The following CENPT variants were observed in gnomAD, a reference collection of about 807,000 sequenced individuals.
The protein encoded by CENPT is centromere protein T.
A neutral mutation model predicts 59.7 loss-of-function variants in CENPT; 42 were observed. The ratio of observed to expected loss-of-function variants is 0.70; its 90% CI spans 0.55 to 0.91. The LOEUF is 0.91. Among genes scored for constraint, CENPT ranks in the 40% least tolerant of loss-of-function variants. The pLI is 0.00. For synonymous variants in CENPT, 295 were observed against 289.6 expected (o/e 1.02, Z -0.19); for missense variants, 716 against 713.4 (o/e 1.00, Z -0.04).
chr16:67,842,977 G>A lies in CENPT; in HGVS notation c.-492+4424C>T. The stretch of plus-strand genomic sequence containing the variant: ...CCTCACCCTCTGCCTCCACTGCCCA[G>A]ACTGCCCAGCTGCAGCCGAACCTGG... On this transcript the variant is annotated intron_variant, in intron 1 of 15. Coordinates refer to ENST00000562787, the MANE Select transcript of CENPT (RefSeq NM_025082.4). The surrounding 1 kb of genome is among the most constrained non-coding windows in gnomAD (Gnocchi z 4.9). The A allele has an allele frequency of 6.2e-7, 1 of 1,611,516 alleles. No homozygotes were observed. Among genetic ancestry groups the A allele is most frequent in the Non-Finnish European group, 8.5e-7 (1 of 1,179,574 alleles).
chr16:67,839,493 G>C (rs1227770314), intron 1 of CENPT, among the ~76,000 whole-genome samples: 2 of 152,100 alleles, frequency 1.3e-5, no homozygotes, highest in East Asian at 3.8e-4. Context: ...CCAAGAGGCG[G>C]ATGTTGCAGT....
chr16:67,845,764 T>C (rs2057793712), intron 1 of CENPT, among the ~76,000 whole-genome samples: 1 of 152,250 alleles, frequency 6.6e-6, no homozygotes, highest in Admixed American at 6.5e-5. Flanking sequence ...TGCAGATGTA[T>C]AAGCGGGGCA....
Position 67,843,576 on chromosome 16 carries a change from A to G in CENPT, c.-492+3825T>C, listed in dbSNP as rs1039561125. The G allele has an allele frequency of 6.9e-7, 1 of 1,441,458 alleles. No homozygotes were observed. The highest frequency in any genetic ancestry group is 1.4e-5 in the African/African-American group (1 of 71,122). The allele number at this position is 1,441,458 out of a possible 1,614,324, so 89.3% of individuals were successfully genotyped here. A position where few individuals can be genotyped will look rare whatever the true frequency, so the allele number is the denominator to read the frequency against. ...CCGCAGGCCATTGTTGAACTCCTCT[A>G]TACTCCTGGGCACTGGTTGACAGTA... On this transcript the variant is annotated intron_variant, in intron 1 of 15. Transcript: ENST00000562787. This position sits in a 1 kb window ranked among gnomAD's most constrained non-coding sequence, Gnocchi z 5.7.
chr16:67,836,917 AT>A (rs1277626789), intron 1 of CENPT, among the ~76,000 whole-genome samples: 2 of 151,770 alleles, frequency 1.3e-5, no homozygotes, highest in African/African-American at 2.4e-5. Context: ...AATTTTTTGT[AT>A]TTTTAGTAGA....
At chr16:67,839,513 T>C (rs2057749932) in intron 1 of CENPT, among the ~76,000 whole-genome samples, 1 of 151,788 alleles carries the variant, frequency 6.6e-6, no homozygotes, top group African/African-American at 2.4e-5. Flanking sequence ...TGAGCCAAGA[T>C]TGCACCACTA....
At chr16:67,833,396 G>A (rs1355920137) in intron 4 of CENPT, among the ~76,000 whole-genome samples, 2 of 152,230 alleles carry the variant, frequency 1.3e-5, no homozygotes, top group Admixed American at 6.5e-5. Flanking sequence ...AGAGCAGAAG[G>A]TGAGATTCTG....
Position 67,829,942 on chromosome 16 carries a change from T to C in CENPT, c.1009A>G (p.Met337Val), listed in dbSNP as rs779988509. Residue 337 changes from methionine (M) to valine (V), a missense_variant, in exon 12 of 16, where the codon ATG becomes GTG. Physicochemically the swap from Met to Val is conservative, Grantham distance 21 (BLOSUM62 1). Transcript: ENST00000562787. ...HDGVEEAEKK[M>V]EEEGVSVSEM... Reference sequence around the variant, plus strand: ...CTCACACTCACACCTTCTTCTTCCATCTTTTTCTCTGCCTCTTCAACTCCA... The same window carrying C: ...CTCACACTCACACCTTCTTCTTCCACCTTTTTCTCTGCCTCTTCAACTCCA... 7 of 1,614,240 alleles carry C rather than the reference T, an allele frequency of 4.3e-6. 1 individual carries two copies. The South Asian group carries it at 7.7e-5, about 18-fold the overall frequency.
Position 67,843,297 on chromosome 16 carries a change from TGTC to T in CENPT, c.-492+4101_-492+4103del. ...ACTGGCTCCGACCATTCGTACTCCT[TGTC>T]GTCAGGCACCACGGAGGAGGAGCTC... is the stretch of plus-strand genomic sequence containing the variant. On this transcript the variant is annotated intron_variant, in intron 1 of 15. Transcript: ENST00000562787. This position sits in a 1 kb window ranked among gnomAD's most constrained non-coding sequence, Gnocchi z 5.7. 2 of 1,613,894 alleles carry T rather than the reference TGTC, an allele frequency of 1.2e-6. No homozygotes were observed. The highest frequency in any genetic ancestry group is 1.7e-6 in the Non-Finnish European group (2 of 1,180,016).
At chr16:67,838,926 CTGTCTCAAAA>C (rs1415457944) in intron 1 of CENPT, among the ~76,000 whole-genome samples, 23 of 144,088 alleles carry the variant, frequency 1.6e-4, no homozygotes, top group Middle Eastern at 7.6e-3. Context: ...GTGCAAGACT[CTGTCTCAAAA>C]AAAAAAAAAA....
intron 1 of CENPT, chr16:67,846,683 G>A (rs1253738475): frequency 6.6e-6 from 1 of 152,438 alleles, no homozygotes; most frequent in African/African-American, 2.4e-5. Context: ...CCCTAGCCTG[G>A]CGCCAACCTC....
intron 5 of CENPT, 43 bp downstream of exon 5, chr16:67,832,412 G>A (rs369688089): frequency 2.0e-5 from 32 of 1,609,608 alleles, no homozygotes; most frequent in Admixed American, 5.0e-5. Flanking sequence ...CCCCCTCCCC[G>A]AGGCAGCCAG....
At position 67,831,485 on chromosome 16, in the gene CENPT, G is replaced by A. The variant is rs1438804720; in HGVS notation, c.560+91C>T. 10 of 1,573,912 alleles carry A rather than the reference G, an allele frequency of 6.4e-6. 1 individual carries two copies. The East Asian group carries it at 9.0e-5, about 14-fold the overall frequency. On this transcript the variant is annotated intron_variant, in intron 9 of 15. Coordinates refer to ENST00000562787, the MANE Select transcript of CENPT (RefSeq NM_025082.4). The stretch of plus-strand genomic sequence containing the variant: ...GCTGTGAGGCTAAAACTGGTAGGAA[G>A]TAGTATGGGCAGATTCCATCCCAGG...
intron 1 of CENPT, among the ~76,000 whole-genome samples, chr16:67,846,370 C>T (rs1316510750): frequency 6.6e-6 from 1 of 152,290 alleles, no homozygotes; most frequent in East Asian, 1.9e-4. Context: ...AATAGCCTAG[C>T]CTGCTCGAAA....
rs2057779468 is a variant in CENPT at position 67,843,588 on chromosome 16, A to T, written c.-492+3813T>A. The T allele has an allele frequency of 7.4e-7, 1 of 1,345,322 alleles. No individual in the cohort carries two copies. Among genetic ancestry groups the T allele is most frequent in the Non-Finnish European group, 1.0e-6 (1 of 986,766 alleles). The allele number at this position is 1,345,322 out of a possible 1,614,324, so 83.3% of individuals were successfully genotyped here. A position where few individuals can be genotyped will look rare whatever the true frequency, so the allele number is the denominator to read the frequency against. On this transcript the variant is annotated intron_variant, in intron 1 of 15. Transcript: ENST00000562787. The surrounding 1 kb of genome is among the most constrained non-coding windows in gnomAD (Gnocchi z 5.7). ...GTTGAACTCCTCTATACTCCTGGGC[A>T]CTGGTTGACAGTACTGAGGCTTAAG...
At position 67,843,668 on chromosome 16, in the gene CENPT, T is replaced by A; in HGVS notation, c.-492+3733A>T. On this transcript the variant is annotated intron_variant, in intron 1 of 15. Transcript: ENST00000562787. The surrounding 1 kb of genome is among the most constrained non-coding windows in gnomAD (Gnocchi z 5.7). ...CATCCTCAATTGTTTCCTCCTGAAG[T>A]GGAAGCTGGGGCCTTAGACTCTGCC... 4.5e-6 allele frequency: 3 copies of A among 664,186 alleles called. No homozygotes were observed. Among genetic ancestry groups the A allele is most frequent in the Non-Finnish European group, 5.1e-6 (2 of 393,248 alleles). 41.1% of individuals were successfully genotyped at this position (664,186 alleles called of 1,614,324 possible). A position where few individuals can be genotyped will look rare whatever the true frequency, so the allele number is the denominator to read the frequency against.
chr16:67,829,963 C>T lies in CENPT; in HGVS notation c.988G>A (p.Val330Ile). The change falls in exon 12 of 16, where the codon GTT (valine) becomes ATT (isoleucine). Residue 330 changes from valine (V) to isoleucine (I), a missense_variant. Coordinates refer to ENST00000562787, the MANE Select transcript of CENPT (RefSeq NM_025082.4). ...TCCATCTTTTTCTCTGCCTCTTCAA[C>T]TCCATCGTGTAAGGGCTCTACTTCA... ...EDEVEPLHDG[V>I]EEAEKKMEEE... is the part of the protein sequence containing the mutation. 1 of 1,614,238 alleles carries T rather than the reference C, an allele frequency of 6.2e-7. No homozygotes were observed.
intron 1 of CENPT, among the ~76,000 whole-genome samples, chr16:67,840,438 T>C (rs1182445533): frequency 6.6e-6 from 1 of 152,344 alleles, no homozygotes; most frequent in South Asian, 2.1e-4. Context: ...TCATGTCTTT[T>C]GTGGGAATAT....
At chr16:67,828,637 C>G in intron 14 of CENPT, 30 bp downstream of exon 14, 1 of 1,613,924 alleles carries the variant, frequency 6.2e-7, no homozygotes. Context: ...CGAGGGGTTC[C>G]TCTCCCTACC....
intron 1 of CENPT, among the ~76,000 whole-genome samples, chr16:67,846,565 C>T (rs993445400): frequency 1.3e-5 from 2 of 152,236 alleles, no homozygotes; most frequent in African/African-American, 4.8e-5. Context: ...GCAGCTGGGC[C>T]AGCTTGGGGC....
Sources: gnomAD v4.1 joint callset for allele counts (sites outside exome capture counted in the v4.1 genomes callset) on GRCh38, gnomAD v4.1.1 for gene constraint, Gnocchi (gnomAD v3.1) non-coding constraint, MANE v1.5 for transcripts, NCBI Gene and HGNC (gene_info 2026-07-23, HGNC 2026-07-21) for gene names.